BCAS3: variants seen among roughly 807,000 people sequenced by gnomAD.
The protein encoded by BCAS3 is BCAS4/BCAS3 fusion.
BCAS3 carries 53 observed loss-of-function variants against 116.1 expected under a neutral mutation model. That is an observed-to-expected ratio of 0.46 (90% CI 0.37 to 0.57). BCAS3 has a LOEUF of 0.57. BCAS3 is among the 20% of genes least tolerant of loss of function. BCAS3 has a pLI of 0.00. For missense variants in BCAS3, 917 were observed against 1,165.4 expected, an observed-to-expected ratio of 0.79 and a Z score of 3.10; for synonymous variants, 391 against 408.2, an observed-to-expected ratio of 0.96 and a Z score of 0.51.
At chr17:60,891,425 G>A (rs2057139203) in intron 10 of BCAS3, among the ~76,000 whole-genome samples, 1 of 152,198 alleles carries the variant, frequency 6.6e-6, no homozygotes, top group South Asian at 2.1e-4. Flanking sequence ...ACCAGACAAC[G>A]TAGTGGCCTT....
rs1299687815 is a variant in BCAS3 at position 60,967,096 on chromosome 17, G to A, written c.1221+19744G>A. 1.3e-5 allele frequency among the ~76,000 whole-genome samples: 2 copies of A among 152,178 alleles called. No homozygotes were observed. Among genetic ancestry groups the A allele is most frequent in the Non-Finnish European group, 2.9e-5 (2 of 68,028 alleles). ...GAGTGGATTGTACACCACCATTTCA[G>A]TTATAGAGTATTTTGTGTTTCACCA... On this transcript the variant is annotated intron_variant, in intron 14 of 23. Transcript: ENST00000407086. This position sits in a 1 kb window ranked among gnomAD's most constrained non-coding sequence, Gnocchi z 4.7.
chr17:61,225,252 C>G (rs1404511786), intron 22 of BCAS3, among the ~76,000 whole-genome samples: 1 of 150,992 alleles, frequency 6.6e-6, no homozygotes, highest in Non-Finnish European at 1.5e-5. Flanking sequence ...CTTGAAAGGA[C>G]ACAGATTATG....
intron 14 of BCAS3, among the ~76,000 whole-genome samples, chr17:60,955,875 G>C (rs1434922516): frequency 3.3e-5 from 5 of 152,298 alleles, no homozygotes; most frequent in African/African-American, 1.2e-4. Context: ...GAATGTCACA[G>C]AGTAGGTGCT....
chr17:61,321,985 G>A (rs936776239), intron 22 of BCAS3, among the ~76,000 whole-genome samples: 11 of 152,038 alleles, frequency 7.2e-5, no homozygotes, highest in African/African-American at 2.7e-4. Flanking sequence ...CCAGGCTGGA[G>A]TGCAGTGGCA....
At chr17:61,001,686 G>A (rs1652395844) in intron 15 of BCAS3, among the ~76,000 whole-genome samples, 1 of 152,082 alleles carries the variant, frequency 6.6e-6, no homozygotes. Flanking sequence ...TCTTAGTTTA[G>A]TACCTGGATT....
intron 22 of BCAS3, among the ~76,000 whole-genome samples, chr17:61,115,824 A>G (rs887109317): frequency 1.9e-4 from 28 of 151,284 alleles, no homozygotes; most frequent in South Asian, 4.2e-4. Context: ...CACAATAGCA[A>G]AGACTTGGAA....
rs558269577 is a variant in BCAS3, at chr17:60,926,656, G to A, written c.1087+2156G>A. On this transcript the variant is annotated intron_variant, in intron 13 of 23. Coordinates refer to ENST00000407086, the MANE Select transcript of BCAS3 (RefSeq NM_017679.5). ...TTGTAGCACTCCACTTGGAATGACCGGTATGACTCATATTGATATTCCATC... is the reference window on the plus strand; with the variant it reads ...TTGTAGCACTCCACTTGGAATGACCAGTATGACTCATATTGATATTCCATC... Among the ~76,000 whole-genome samples the A allele has an allele frequency of 1.6e-3, 247 of 152,218 alleles. 1 individual carries two copies. Among genetic ancestry groups the A allele is most frequent in the South Asian group, 8.3e-3 (40 of 4,818 alleles).
At position 61,330,009 on chromosome 17, in the gene BCAS3, T is replaced by C. The variant is rs2056131316; in HGVS notation, c.2426-38318T>C. Among the ~76,000 whole-genome samples the C allele has an allele frequency of 2.0e-5, 3 of 152,248 alleles. No homozygotes were observed. The South Asian group carries it at 6.2e-4, about 32-fold the overall frequency. ...ACCGTCCCTGCCCTAACAGAACTTA[T>C]TGTTGAGGGGGAGAAATTGCCAAGT... On this transcript the variant is annotated intron_variant, in intron 22 of 23. Coordinates refer to ENST00000407086, the MANE Select transcript of BCAS3 (RefSeq NM_017679.5).
At chr17:60,756,131 AT>A (rs1263312333) in intron 6 of BCAS3, among the ~76,000 whole-genome samples, 2 of 151,952 alleles carry the variant, frequency 1.3e-5, no homozygotes, top group Non-Finnish European at 2.9e-5. Context: ...GTGGGGGATT[AT>A]TTCAGGATGA....
intron 5 of BCAS3, among the ~76,000 whole-genome samples, chr17:60,738,870 C>G (rs2041240929): frequency 6.6e-6 from 1 of 152,152 alleles, no homozygotes; most frequent in Non-Finnish European, 1.5e-5. Flanking sequence ...ATCCTCCTGC[C>G]TCAGCCTTCC....
rs1177472432 is a variant in BCAS3, at chr17:61,171,484, T to A, written c.2425+86920T>A. On this transcript the variant is annotated intron_variant, in intron 22 of 23. Transcript: ENST00000407086. The surrounding 1 kb of genome is among the most constrained non-coding windows in gnomAD (Gnocchi z 4.1). ...GAATGTAAATGGTCTAAACACTCAA[T>A]TAAAAGACAGGAAATGTAAGATTGG... 6.6e-6 allele frequency among the ~76,000 whole-genome samples: 1 copy of A among 152,066 alleles called. No individual in the cohort carries two copies. The highest frequency in any genetic ancestry group is 2.4e-5 in the African/African-American group (1 of 41,378).
chr17:60,940,359 CAT>C (rs1430500458), intron 13 of BCAS3, among the ~76,000 whole-genome samples: 1 of 152,084 alleles, frequency 6.6e-6, no homozygotes, highest in Non-Finnish European at 1.5e-5. Context: ...TGGAAGAATA[CAT>C]TGATGAGTTT....
At position 60,797,697 on chromosome 17, in the gene BCAS3, C is replaced by T. The variant is rs371210709; in HGVS notation, c.404-10307C>T. ...ATCCCTCTCCTAGCCCCCCACCTCC[C>T]GACAGGCCCTGGTGTATGATGTTCT... is the stretch of plus-strand genomic sequence containing the variant. On this transcript the variant is annotated intron_variant, in intron 6 of 23. Transcript: ENST00000407086. 4.8e-4 allele frequency among the ~76,000 whole-genome samples: 73 copies of T among 152,168 alleles called. No homozygotes were observed. The East Asian group carries it at 9.4e-3, about 20-fold the overall frequency.
In BCAS3 at chr17:61,136,030, T is replaced by TGCC. The variant is rs1016063855; in HGVS notation, c.2425+51473_2425+51475dup. On this transcript the variant is annotated intron_variant, in intron 22 of 23. Coordinates refer to ENST00000407086, the MANE Select transcript of BCAS3 (RefSeq NM_017679.5). The surrounding 1 kb of genome is among the most constrained non-coding windows in gnomAD (Gnocchi z 4.4). ...CCGCTTCTGCCATGGCCACCGCCAC[T>TGCC]GCCGCCGCCTCCTCCTTCTTCCCTG... 48 of 159,906 alleles carry TGCC rather than the reference T, an allele frequency of 3.0e-4. No homozygotes were observed. The highest frequency in any genetic ancestry group is 5.8e-4 in the Non-Finnish European group (42 of 72,850). The allele number at this position is 159,906 out of a possible 1,614,324, so 9.9% of individuals were successfully genotyped here. A position where few individuals can be genotyped will look rare whatever the true frequency, so the allele number is the denominator to read the frequency against.
rs760510030 is a variant in BCAS3, at chr17:60,718,799, C to T, written c.321+9474C>T. On this transcript the variant is annotated intron_variant, in intron 5 of 23. Coordinates refer to ENST00000407086, the MANE Select transcript of BCAS3 (RefSeq NM_017679.5). ...GTTGTAGGCTGGGTGCTGTGGCTCA[C>T]GCCTGTAATCTCAGCACTTTGGGAG... Among the ~76,000 whole-genome samples, 44 of 152,194 alleles carry T rather than the reference C, an allele frequency of 2.9e-4. 1 individual carries two copies. Among genetic ancestry groups the T allele is most frequent in the Admixed American group, 8.5e-4 (13 of 15,266 alleles).
chr17:61,014,666 A>T (rs1338595666), intron 15 of BCAS3, among the ~76,000 whole-genome samples: 2 of 151,994 alleles, frequency 1.3e-5, no homozygotes, highest in Non-Finnish European at 2.9e-5. Flanking sequence ...AAAAAAGGGC[A>T]TCTAGACTGG....
At chr17:61,135,042 C>T (rs144153589) in intron 22 of BCAS3, among the ~76,000 whole-genome samples, 1,915 of 152,136 alleles carry the variant, frequency 0.013, 15 homozygotes, top group Middle Eastern at 0.024. Flanking sequence ...CTTTAGAATC[C>T]GACTTGAGAT....
At chr17:61,066,364 C>G (rs950025497) in intron 19 of BCAS3, among the ~76,000 whole-genome samples, 2 of 152,100 alleles carry the variant, frequency 1.3e-5, no homozygotes, top group African/African-American at 4.8e-5. Context: ...ATGCTTTGTG[C>G]TTGTTTATAT....
At chr17:60,770,890 C>T (rs2044633255) in intron 6 of BCAS3, among the ~76,000 whole-genome samples, 1 of 133,446 alleles carries the variant, frequency 7.5e-6, no homozygotes, top group South Asian at 2.5e-4. Context: ...CTCTGTCACG[C>T]AGGCTGGAGG....
Sources: gnomAD v4.1 joint callset for allele counts (sites outside exome capture counted in the v4.1 genomes callset) on GRCh38, gnomAD v4.1.1 for gene constraint, Gnocchi (gnomAD v3.1) non-coding constraint, MANE v1.5 for transcripts, NCBI Gene and HGNC (gene_info 2026-07-23, HGNC 2026-07-21) for gene names.